MYO16: variants seen among roughly 807,000 people sequenced by gnomAD.
The protein encoded by MYO16 is myosin XVI.
In MYO16, 94 loss-of-function variants were observed where a neutral mutation model predicts 205.3. That is an observed-to-expected ratio of 0.46 (90% CI 0.39 to 0.54). MYO16 has a LOEUF of 0.54. MYO16 is among the 20% of genes least tolerant of loss of function. The probability of loss-of-function intolerance (pLI) is 0.00; values close to 1 mark genes in which losing one functional copy is unlikely to be tolerated. For missense variants in MYO16, 2,315 were observed against 2,387.5 expected, an observed-to-expected ratio of 0.97 and a Z score of 0.63; for synonymous variants, 988 against 954.0, an observed-to-expected ratio of 1.04 and a Z score of -0.66.
In MYO16 at chr13:109,038,634, T is replaced by C. The variant is rs1405280493; in HGVS notation, c.2797-8282T>C. Among the ~76,000 whole-genome samples the C allele has an allele frequency of 2.0e-5, 3 of 152,228 alleles. No individual in the cohort carries two copies. In the East Asian group the frequency reaches 5.8e-4, roughly 29 times the overall value. ...ATATATATTATACTATACTACTGGT[T>C]CTATTCATTTGGAGAACCCTGATGA... On this transcript the variant is annotated intron_variant, in intron 23 of 34. Transcript: ENST00000457511.
intron 27 of MYO16, among the ~76,000 whole-genome samples, chr13:109,076,360 T>G (rs948336546): frequency 6.6e-6 from 1 of 152,164 alleles, no homozygotes; most frequent in Non-Finnish European, 1.5e-5. Context: ...TAGGAAATCT[T>G]TCTTCTAATA....
upstream of MYO16, among the ~76,000 whole-genome samples, chr13:108,593,530 T>A (rs1431517853): frequency 6.6e-6 from 1 of 152,170 alleles, no homozygotes; most frequent in Non-Finnish European, 1.5e-5. Context: ...CACGGACGAA[T>A]TGTTTTCCTG....
intron 4 of MYO16, among the ~76,000 whole-genome samples, chr13:108,757,337 T>C (rs190342326): frequency 6.6e-6 from 1 of 152,318 alleles, no homozygotes; most frequent in Non-Finnish European, 1.5e-5. Context: ...GAATATTTTA[T>C]TCCTAATGCG....
At chr13:108,569,072 T>G in the MYO16 span, among the ~76,000 whole-genome samples, 1 of 152,156 alleles carries the variant, frequency 6.6e-6, no homozygotes, top group Non-Finnish European at 1.5e-5. Context: ...TAGCATGCAG[T>G]AAGTTTTGAA....
intron 23 of MYO16, among the ~76,000 whole-genome samples, chr13:109,041,365 T>TA (rs1886879378): frequency 6.6e-6 from 1 of 152,204 alleles, no homozygotes; most frequent in Non-Finnish European, 1.5e-5. Context: ...TATAAAGGTA[T>TA]AGATGATACC....
chr13:108,990,992 G>A (rs1884809192), intron 20 of MYO16, among the ~76,000 whole-genome samples: 1 of 152,124 alleles, frequency 6.6e-6, no homozygotes, highest in East Asian at 1.9e-4. Flanking sequence ...ATCAAATAAT[G>A]GATATTGATC....
rs867352051 is a variant in MYO16 at position 109,207,674 on chromosome 13, G to C, written c.*838G>C. 6 of 152,232 alleles carry C rather than the reference G, an allele frequency of 3.9e-5. No individual in the cohort carries two copies. The highest frequency in any genetic ancestry group is 1.4e-4 in the African/African-American group (6 of 41,436). The allele number at this position is 152,232 out of a possible 1,614,324, so 9.4% of individuals were successfully genotyped here. ...ACATGGCACACGGTTAAACACGTAT[G>C]GCTTCAAATCCATAGCCGGTGGTGT... On this transcript the variant is annotated 3_prime_UTR_variant, in exon 35 of 35. Coordinates refer to ENST00000457511, the MANE Select transcript of MYO16 (RefSeq NM_001198950.3).
the MYO16 span, among the ~76,000 whole-genome samples, chr13:108,574,944 C>T: frequency 6.6e-6 from 1 of 152,038 alleles, no homozygotes; most frequent in Non-Finnish European, 1.5e-5. Flanking sequence ...TACTGACACA[C>T]TCCAGTGTGA....
chr13:108,609,597 G>A (rs1879096435), intron 1 of MYO16, among the ~76,000 whole-genome samples: 1 of 152,226 alleles, frequency 6.6e-6, no homozygotes, highest in East Asian at 1.9e-4. Context: ...CATGAGCACA[G>A]CAGAAGCCAA....
chr13:108,964,050 C>T (rs1883694348), intron 19 of MYO16, among the ~76,000 whole-genome samples: 1 of 152,206 alleles, frequency 6.6e-6, no homozygotes, highest in Admixed American at 6.5e-5. Context: ...TGCACGTGGA[C>T]CCCGCCCTGT....
chr13:109,053,631 G>A (rs534059354), intron 25 of MYO16, among the ~76,000 whole-genome samples: 3 of 152,170 alleles, frequency 2.0e-5, no homozygotes, highest in African/African-American at 7.2e-5. Context: ...AAGGACTGCA[G>A]AAGGGAGGTA....
intron 2 of MYO16, among the ~76,000 whole-genome samples, chr13:108,678,642 A>G (rs996027459): frequency 2.6e-5 from 4 of 152,080 alleles, no homozygotes; most frequent in Admixed American, 1.3e-4. Context: ...CATTGACTCC[A>G]TTATTTCTTC....
chr13:108,957,875 T>G (rs1883436725), intron 17 of MYO16, 76 bp downstream of exon 17: 1 of 1,159,356 alleles, frequency 8.6e-7, no homozygotes, highest in African/African-American at 1.5e-5. Flanking sequence ...TTCAAAAGCA[T>G]TTACTGAGCC....
intron 2 of MYO16, among the ~76,000 whole-genome samples, chr13:108,667,872 C>T (rs1254556077): frequency 6.6e-6 from 1 of 151,912 alleles, no homozygotes; most frequent in East Asian, 1.9e-4. Context: ...ATAGCAAGAC[C>T]CCATCTCTAC....
intron 27 of MYO16, among the ~76,000 whole-genome samples, chr13:109,091,243 G>A (rs1888613655): frequency 6.6e-6 from 1 of 152,156 alleles, no homozygotes; most frequent in South Asian, 2.1e-4. Flanking sequence ...GAAGAAAGGG[G>A]ACATCCTCAT....
At chr13:109,034,724 C>G (rs1886657604) in intron 23 of MYO16, among the ~76,000 whole-genome samples, 1 of 152,052 alleles carries the variant, frequency 6.6e-6, no homozygotes, top group African/African-American at 2.4e-5. Flanking sequence ...CTCCTCAATC[C>G]AAGGATGATA....
intron 16 of MYO16, among the ~76,000 whole-genome samples, chr13:108,952,587 G>T (rs1339118751): frequency 6.6e-6 from 1 of 152,162 alleles, no homozygotes; most frequent in Non-Finnish European, 1.5e-5. Context: ...GAATTAAACA[G>T]TATTAATCCA....
intron 16 of MYO16, among the ~76,000 whole-genome samples, chr13:108,929,220 A>G (rs1454936568): frequency 6.6e-6 from 1 of 152,226 alleles, no homozygotes; most frequent in Non-Finnish European, 1.5e-5. Context: ...TTAAATCTTC[A>G]AAGAATACAA....
intron 4 of MYO16, among the ~76,000 whole-genome samples, chr13:108,747,794 T>A (rs1481966704): frequency 6.6e-6 from 1 of 151,946 alleles, no homozygotes; most frequent in Non-Finnish European, 1.5e-5. Context: ...AAAACCACAT[T>A]GAATATAAAG....
Sources: gnomAD v4.1 joint callset for allele counts (sites outside exome capture counted in the v4.1 genomes callset) on GRCh38, gnomAD v4.1.1 for gene constraint, MANE v1.5 for transcripts, NCBI Gene and HGNC (gene_info 2026-07-23, HGNC 2026-07-21) for gene names.